The following CD247 variants were observed in gnomAD, a reference collection of about 807,000 sequenced individuals.
The protein encoded by CD247 is CD247 molecule.
CD247 carries 13 observed loss-of-function variants against 30.0 expected under a neutral mutation model. The ratio of observed to expected loss-of-function variants is 0.43; its 90% CI spans 0.28 to 0.69. The LOEUF (loss-of-function observed/expected upper bound fraction) is 0.69, where lower values mean the gene tolerates loss of function less well. CD247 is among the 30% of genes least tolerant of loss of function. The pLI is 0.16. For missense variants in CD247, 193 were observed against 212.6 expected, an observed-to-expected ratio of 0.91 and a Z score of 0.57; for synonymous variants, 72 against 80.0, an observed-to-expected ratio of 0.90 and a Z score of 0.53.
chr1:167,476,914 G>A (rs1040214457), intron 1 of CD247, among the ~76,000 whole-genome samples: 2 of 152,218 alleles, frequency 1.3e-5, no homozygotes, highest in Non-Finnish European at 2.9e-5. Flanking sequence ...TATGCCGTAT[G>A]TTTTATGATT....
At chr1:167,505,495 A>G (rs1655078030) in intron 1 of CD247, among the ~76,000 whole-genome samples, 2 of 152,362 alleles carry the variant, frequency 1.3e-5, no homozygotes, top group African/African-American at 4.8e-5. Flanking sequence ...CGTTTCTGAA[A>G]GGATTCAGGT....
At position 167,476,915 on chromosome 1, in the gene CD247, T is replaced by C. The variant is rs777083866; in HGVS notation, c.59-36148A>G. 7.2e-5 allele frequency among the ~76,000 whole-genome samples: 11 copies of C among 152,346 alleles called. No homozygotes were observed. The South Asian group carries it at 8.3e-4, about 11-fold the overall frequency. The stretch of plus-strand genomic sequence containing the variant: ...TTCTCATAAAACCCTATGCCGTATG[T>C]TTTATGATTATCCTCATCTCACACG... On this transcript the variant is annotated intron_variant, in intron 1 of 7. Coordinates refer to ENST00000362089, the MANE Select transcript of CD247 (RefSeq NM_198053.3).
rs1477703172 is a variant in CD247, at chr1:167,438,555, T to C, written c.300+15A>G. ...ACACATGCAGGAACACACAGGAAGGTAGAGGAACCCCTACCGGCTTTCCCC... is the reference window on the plus strand; with the variant it reads ...ACACATGCAGGAACACACAGGAAGGCAGAGGAACCCCTACCGGCTTTCCCC... On this transcript the variant is annotated intron_variant, in intron 4 of 7. Coordinates refer to ENST00000362089, the MANE Select transcript of CD247 (RefSeq NM_198053.3). 2 of 1,606,940 alleles carry C rather than the reference T, an allele frequency of 1.2e-6. No homozygotes were observed. The highest frequency in any genetic ancestry group is 1.3e-5 in the African/African-American group (1 of 74,686).
chr1:167,444,700 C>T (rs1299325693), intron 1 of CD247, among the ~76,000 whole-genome samples: 1 of 152,210 alleles, frequency 6.6e-6, no homozygotes, highest in Admixed American at 6.5e-5. Context: ...ACAGGGGCCA[C>T]AGCATGTGAG....
intron 1 of CD247, among the ~76,000 whole-genome samples, chr1:167,478,864 G>T (rs1461328564): frequency 6.6e-6 from 1 of 152,132 alleles, no homozygotes; most frequent in Non-Finnish European, 1.5e-5. Context: ...TTTTTAAAAT[G>T]CATATTATTT....
At chr1:167,460,548 C>T (rs1053824796) in intron 1 of CD247, among the ~76,000 whole-genome samples, 1 of 152,178 alleles carries the variant, frequency 6.6e-6, no homozygotes, top group Non-Finnish European at 1.5e-5. Context: ...TCAGCTGGCC[C>T]CATGCCCCAC....
chr1:167,510,085 C>T (rs1358189348), intron 1 of CD247, among the ~76,000 whole-genome samples: 1 of 152,182 alleles, frequency 6.6e-6, no homozygotes, highest in Non-Finnish European at 1.5e-5. Context: ...CTACTCAGAA[C>T]CCAGACTGCC....
intron 1 of CD247, among the ~76,000 whole-genome samples, chr1:167,456,164 C>T (rs1371690721): frequency 6.6e-6 from 1 of 152,210 alleles, no homozygotes; most frequent in African/African-American, 2.4e-5. Flanking sequence ...CAGGGCTTTC[C>T]TGGCACACAT....
intron 1 of CD247, among the ~76,000 whole-genome samples, chr1:167,507,160 C>T (rs573223418): frequency 1.9e-4 from 29 of 151,956 alleles, no homozygotes; most frequent in African/African-American, 7.0e-4. Flanking sequence ...CCTGGGTGAT[C>T]CACCTGCCTT....
At chr1:167,449,432 G>C (rs953293229) in intron 1 of CD247, among the ~76,000 whole-genome samples, 1 of 151,658 alleles carries the variant, frequency 6.6e-6, no homozygotes, top group East Asian at 1.9e-4. Flanking sequence ...GGGATTACAG[G>C]TGTGAGCCAC....
At chr1:167,455,229 G>A (rs1411495792) in intron 1 of CD247, among the ~76,000 whole-genome samples, 1 of 152,246 alleles carries the variant, frequency 6.6e-6, no homozygotes, top group East Asian at 1.9e-4. Flanking sequence ...TTAAAGAGAC[G>A]AGCTTCAGCC....
intron 1 of CD247, among the ~76,000 whole-genome samples, chr1:167,483,049 CT>C (rs1654042634): frequency 8.9e-6 from 1 of 112,652 alleles, no homozygotes; most frequent in African/African-American, 3.2e-5. Context: ...GCTGTTGTTG[CT>C]CAGGCTGGAG....
chr1:167,506,808 C>A lies in CD247; in HGVS notation c.58+11600G>T, dbSNP rs534831360. ...ATCTTGAATACTACAAATAGTGAGA[C>A]CTTATGAATTTTTAGATTGCATTTT... On this transcript the variant is annotated intron_variant, in intron 1 of 7. Transcript: ENST00000362089. Among the ~76,000 whole-genome samples, 56 of 151,822 alleles carry A rather than the reference C, an allele frequency of 3.7e-4. 1 individual carries two copies. Among genetic ancestry groups the A allele is most frequent in the South Asian group, 3.3e-3 (16 of 4,806 alleles).
intron 1 of CD247, among the ~76,000 whole-genome samples, chr1:167,467,051 G>A (rs949720442): frequency 6.6e-6 from 1 of 151,936 alleles, no homozygotes; most frequent in Non-Finnish European, 1.5e-5. Context: ...TGTTAGCCAG[G>A]ATGGTCTCGA....
intron 2 of CD247, 109 bp from the exon 3 acceptor site, chr1:167,439,509 A>C (rs1651719710): frequency 2.1e-6 from 2 of 936,336 alleles, no homozygotes; most frequent in African/African-American, 3.2e-5. Flanking sequence ...GCTCCTTGGC[A>C]ACTAACAATG....
chr1:167,470,475 T>C (rs1653462201), intron 1 of CD247, among the ~76,000 whole-genome samples: 2 of 146,726 alleles, frequency 1.4e-5, no homozygotes, highest in Non-Finnish European at 3.0e-5. Context: ...ATATGACTTT[T>C]GGGCTTACAG....
At chr1:167,475,993 TA>T (rs1558016071) in intron 1 of CD247, among the ~76,000 whole-genome samples, 19 of 151,852 alleles carry the variant, frequency 1.3e-4, no homozygotes, top group African/African-American at 4.6e-4. Flanking sequence ...TAGTATAGTA[TA>T]TATTTTTTTT....
chr1:167,496,931 G>A (rs1654715609), intron 1 of CD247, among the ~76,000 whole-genome samples: 1 of 152,168 alleles, frequency 6.6e-6, no homozygotes, highest in Non-Finnish European at 1.5e-5. Flanking sequence ...GCAGGCCCCG[G>A]AGAGCGGGGA....
chr1:167,430,925 G>A lies in CD247; in HGVS notation c.*756C>T, dbSNP rs926125400. 13 of 398,676 alleles carry A rather than the reference G, an allele frequency of 3.3e-5. No homozygotes were observed. Among genetic ancestry groups the A allele is most frequent in the Non-Finnish European group, 4.9e-5 (11 of 226,166 alleles). 24.7% of individuals were successfully genotyped at this position (398,676 alleles called of 1,614,324 possible). A position where few individuals can be genotyped will look rare whatever the true frequency, so the allele number is the denominator to read the frequency against. Reference sequence around the variant, plus strand: ...TGAATCAACGGCCTCCTCTTGCTCCGCAGCACTTTATTCACACTGTGTAAC... The same window carrying A: ...TGAATCAACGGCCTCCTCTTGCTCCACAGCACTTTATTCACACTGTGTAAC... On this transcript the variant is annotated 3_prime_UTR_variant, in exon 8 of 8. Transcript: ENST00000362089.
Sources: allele counts gnomAD v4.1 joint callset (sites outside exome capture counted in the v4.1 genomes callset), GRCh38; gene constraint gnomAD v4.1.1; transcripts MANE v1.5; gene names NCBI Gene and HGNC (gene_info 2026-07-23, HGNC 2026-07-21).